Variants in CALN1 observed in about 807,000 individuals in gnomAD.
CALN1 encodes calcium-binding protein 8.
A neutral mutation model predicts 30.6 loss-of-function variants in CALN1; 17 were observed. The observed-to-expected ratio is 0.56, with a 90% CI of 0.38 to 0.83. CALN1 has a LOEUF of 0.83. Ranked by LOEUF, CALN1 falls within the 40% of genes least tolerant of loss-of-function variation. CALN1 has a pLI of 0.00. For synonymous variants in CALN1, 156 were observed against 131.4 expected, an observed-to-expected ratio of 1.19 and a Z score of -1.28; for missense variants, 291 against 354.9, an observed-to-expected ratio of 0.82 and a Z score of 1.45.
At chr7:71,804,460 G>T (rs187072794) in intron 6 of CALN1, among the ~76,000 whole-genome samples, 3 of 152,130 alleles carry the variant, frequency 2.0e-5, no homozygotes, top group African/African-American at 7.2e-5. Flanking sequence ...GTGAGCTGTG[G>T]TTGTGCCACT....
At chr7:71,894,122 C>T (rs547136098) in intron 5 of CALN1, among the ~76,000 whole-genome samples, 1 of 152,210 alleles carries the variant, frequency 6.6e-6, no homozygotes, top group Admixed American at 6.5e-5. Flanking sequence ...CAGAGCCCTA[C>T]TTGTGGAGTA....
chr7:71,950,125 T>C (rs1796614285), intron 5 of CALN1, among the ~76,000 whole-genome samples: 2 of 152,138 alleles, frequency 1.3e-5, no homozygotes, highest in Admixed American at 1.3e-4. Context: ...ATTTGTGCAT[T>C]TTGTCCAATT....
chr7:71,880,167 A>C (rs1584432782), intron 5 of CALN1, among the ~76,000 whole-genome samples: 1 of 152,256 alleles, frequency 6.6e-6, no homozygotes, highest in East Asian at 1.9e-4. Flanking sequence ...GAGGTTAGAG[A>C]TTTTCACATT....
intron 2 of CALN1, among the ~76,000 whole-genome samples, chr7:72,335,826 C>T (rs138015408): frequency 3.9e-4 from 60 of 152,296 alleles, no homozygotes; most frequent in African/African-American, 1.4e-3. Flanking sequence ...GGTGCACGCT[C>T]TGTACCCCCA....
chr7:71,975,304 A>G (rs1034103471), intron 5 of CALN1, among the ~76,000 whole-genome samples: 1 of 152,100 alleles, frequency 6.6e-6, no homozygotes, highest in Non-Finnish European at 1.5e-5. Flanking sequence ...TTTAAATCCA[A>G]TGGCAGAATC....
intron 3 of CALN1, among the ~76,000 whole-genome samples, chr7:72,127,100 T>C (rs1008877243): frequency 6.6e-6 from 1 of 151,714 alleles, no homozygotes; most frequent in Non-Finnish European, 1.5e-5. Flanking sequence ...AATCATTCCA[T>C]CCAGCAGATT....
At chr7:71,808,295 T>C (rs1390046036) in intron 6 of CALN1, among the ~76,000 whole-genome samples, 2 of 151,784 alleles carry the variant, frequency 1.3e-5, no homozygotes, top group African/African-American at 2.4e-5. Context: ...CAATTAATAA[T>C]GGTAACAATT....
Position 72,271,575 on chromosome 7 carries a change from A to AAAAATATATATATATATATATATATAT in CALN1, c.244+7110_244+7111insATATATATATATATATATATATATTTT. ...CTGTGCCTGCCTTTTAAAAAAAAAA[A>AAAAATATATATATATATATATATATAT]ATATATATATATATATATAGTTTTC... On this transcript the variant is annotated intron_variant, in intron 3 of 6. Coordinates refer to ENST00000395275, the MANE Select transcript of CALN1 (RefSeq NM_031468.4). Among the ~76,000 whole-genome samples, 74 of 52,094 alleles carry AAAAATATATATATATATATATATATAT rather than the reference A, an allele frequency of 1.4e-3. 1 individual carries two copies. Among genetic ancestry groups the AAAAATATATATATATATATATATATAT allele is most frequent in the Non-Finnish European group, 1.5e-3 (47 of 32,352 alleles). 34.2% of individuals were successfully genotyped at this position (52,094 alleles called of 152,430 possible). A position where few individuals can be genotyped will look rare whatever the true frequency, so the allele number is the denominator to read the frequency against.
At chr7:72,141,466 G>A (rs1262730654) in intron 3 of CALN1, among the ~76,000 whole-genome samples, 1 of 151,902 alleles carries the variant, frequency 6.6e-6, no homozygotes, top group African/African-American at 2.4e-5. Flanking sequence ...TGGGTGTGAT[G>A]GCACTTTGAG....
intron 3 of CALN1, among the ~76,000 whole-genome samples, chr7:72,117,429 C>A (rs912393107): frequency 6.6e-6 from 1 of 152,094 alleles, no homozygotes; most frequent in African/African-American, 2.4e-5. Context: ...TATGTTATTA[C>A]CTTAAGACAC....
At chr7:71,864,337 C>T (rs911462774) in intron 5 of CALN1, among the ~76,000 whole-genome samples, 30 of 152,122 alleles carry the variant, frequency 2.0e-4, no homozygotes, top group Admixed American at 1.4e-3. Context: ...GTCTGTGAAC[C>T]AGGCTCTGGT....
At chr7:71,971,270 G>A (rs1353396212) in intron 5 of CALN1, among the ~76,000 whole-genome samples, 1 of 152,092 alleles carries the variant, frequency 6.6e-6, no homozygotes, top group Non-Finnish European at 1.5e-5. Flanking sequence ...CCAACATGGT[G>A]AAACCCCGTC....
chr7:72,353,922 C>T (rs756253670), intron 2 of CALN1, among the ~76,000 whole-genome samples: 19 of 152,196 alleles, frequency 1.2e-4, no homozygotes, highest in Non-Finnish European at 1.6e-4. Flanking sequence ...CGTAGTGGCT[C>T]ACACCTGTAA....
intron 5 of CALN1, among the ~76,000 whole-genome samples, chr7:71,894,439 A>T (rs542065773): frequency 3.3e-5 from 5 of 151,896 alleles, no homozygotes; most frequent in Admixed American, 1.3e-4. Flanking sequence ...TAATTTTTAA[A>T]TTTTTTTTGT....
intron 2 of CALN1, among the ~76,000 whole-genome samples, chr7:72,381,470 A>T (rs1222536928): frequency 6.6e-6 from 1 of 152,222 alleles, no homozygotes; most frequent in Non-Finnish European, 1.5e-5. Flanking sequence ...GATAAAGAAA[A>T]TGTGGCACAT....
At chr7:72,366,115 G>A (rs1455989888) in intron 2 of CALN1, among the ~76,000 whole-genome samples, 7 of 151,564 alleles carry the variant, frequency 4.6e-5, no homozygotes, top group East Asian at 1.9e-4. Flanking sequence ...CTAAAGTATG[G>A]TACATTCCTA....
intron 5 of CALN1, among the ~76,000 whole-genome samples, chr7:72,020,341 T>C (rs1800633430): frequency 6.6e-6 from 1 of 152,180 alleles, no homozygotes; most frequent in East Asian, 1.9e-4. Flanking sequence ...TGTATATATA[T>C]GTGCACACAC....
intron 3 of CALN1, among the ~76,000 whole-genome samples, chr7:72,188,176 T>C (rs187781742): frequency 6.6e-6 from 1 of 151,684 alleles, no homozygotes; most frequent in East Asian, 1.9e-4. Flanking sequence ...GGCACACGCA[T>C]GTTTACAGCA....
chr7:72,411,045 A>G (rs1807100785), intron 1 of CALN1, among the ~76,000 whole-genome samples: 1 of 152,262 alleles, frequency 6.6e-6, no homozygotes, highest in East Asian at 1.9e-4. Flanking sequence ...AATTTAGTAA[A>G]GCATTAGAAT....
Sources: gnomAD v4.1 joint callset for allele counts (sites outside exome capture counted in the v4.1 genomes callset) on GRCh38, gnomAD v4.1.1 for gene constraint, MANE v1.5 for transcripts, NCBI Gene and HGNC (gene_info 2026-07-23, HGNC 2026-07-21) for gene names.